Variants in WDR62 observed in about 807,000 individuals in gnomAD.
WDR62 encodes the protein WD repeat-containing protein 62.
Under a neutral mutation model 160.6 loss-of-function variants are expected in WDR62, and 112 were observed. The ratio of observed to expected loss-of-function variants is 0.70; its 90% confidence interval spans 0.60 to 0.82. The LOEUF (loss-of-function observed/expected upper bound fraction) is 0.82, where lower values mean the gene tolerates loss of function less well. Ranked by LOEUF, WDR62 falls within the 40% of genes least tolerant of loss-of-function variation. The pLI is 0.00. For missense variants in WDR62, 1,819 were observed against 1,983.8 expected (o/e 0.92, Z 1.58); for synonymous variants, 792 against 815.1 (o/e 0.97, Z 0.48).
At chr19:36,057,107 G>T (rs1393840466) in intron 1 of WDR62, among the ~76,000 whole-genome samples, 1 of 152,126 alleles carries the variant, frequency 6.6e-6, no homozygotes, top group East Asian at 1.9e-4. Flanking sequence ...GAGCTACTGT[G>T]CCCCGCCAAG....
chr19:36,082,630 CAA>C (rs781582299), intron 10 of WDR62, among the ~76,000 whole-genome samples: 5 of 152,176 alleles, frequency 3.3e-5, no homozygotes, highest in Admixed American at 6.5e-5. Flanking sequence ...AAACTCAAAA[CAA>C]GAGGTAAAAG....
At chr19:36,074,221 C>T (rs1971457806) in intron 9 of WDR62, 1 of 169,870 alleles carries the variant, frequency 5.9e-6, no homozygotes, top group African/African-American at 2.4e-5. Context: ...TCACTTGAGC[C>T]TGGGATGTCA....
intron 5 of WDR62, 119 bp from the exon 6 acceptor site, chr19:36,067,187 G>T (rs1450522090): frequency 7.4e-7 from 1 of 1,356,126 alleles, no homozygotes; most frequent in Admixed American, 1.7e-5. Flanking sequence ...CTCCCTGGAG[G>T]GTCCCAGGAA....
intron 9 of WDR62, 146 bp downstream of exon 9, chr19:36,073,677 C>T (rs765100455): frequency 4.1e-6 from 3 of 736,368 alleles, no homozygotes; most frequent in Admixed American, 2.0e-5. Context: ...AGGACACAGA[C>T]ACAAAATCCC....
At chr19:36,091,344 C>A (rs1972592930) in intron 17 of WDR62, 33 bp downstream of exon 17, 2 of 1,585,096 alleles carry the variant, frequency 1.3e-6, no homozygotes, top group African/African-American at 1.3e-5. Context: ...GATGCCTCCC[C>A]ACCCGCCCAC....
rs1973372596 is a variant in WDR62, at chr19:36,101,954, T to C, written c.3083-60T>C. On this transcript the variant is annotated intron_variant, in intron 25 of 31. Coordinates refer to ENST00000401500, the MANE Select transcript of WDR62 (RefSeq NM_001083961.2). ...TGGGGCCCGCTTTCTCCATTTCAGG[T>C]GGCGTCTGCTGTGACTCATGGTGTT... The C allele has an allele frequency of 3.1e-6, 5 of 1,611,862 alleles. No homozygotes were observed. In the East Asian group the frequency reaches 8.9e-5, roughly 29 times the overall value.
At chr19:36,090,812 C>T (rs1486817934) in intron 16 of WDR62, among the ~76,000 whole-genome samples, 1 of 152,184 alleles carries the variant, frequency 6.6e-6, no homozygotes, top group Non-Finnish European at 1.5e-5. Flanking sequence ...CCTGGTTTGC[C>T]CACACCAGCC....
In WDR62 at chr19:36,078,903, C is replaced by CTT. The variant is rs550885984; in HGVS notation, c.1234-2517_1234-2516dup. On this transcript the variant is annotated intron_variant, in intron 9 of 31. Transcript: ENST00000401500. ...TTTGTGAAAATATGTTTCTGCTGTG[C>CTT]TTTTTTTTTTTTTTCTTTTTTAAGA... Among the ~76,000 whole-genome samples, 719 of 129,578 alleles carry CTT rather than the reference C, an allele frequency of 5.5e-3. 6 individuals carry two copies. The highest frequency in any genetic ancestry group is 0.018 in the African/African-American group (632 of 35,176). 85.0% of individuals were successfully genotyped at this position (129,578 alleles called of 152,430 possible).
chr19:36,083,899 T>C (rs1568347979), intron 11 of WDR62, among the ~76,000 whole-genome samples: 1 of 152,144 alleles, frequency 6.6e-6, no homozygotes. Context: ...AAAGTGCCGA[T>C]TTTTTTCTGT....
At chr19:36,080,424 T>A (rs1035530145) in intron 9 of WDR62, among the ~76,000 whole-genome samples, 8 of 151,316 alleles carry the variant, frequency 5.3e-5, no homozygotes, top group Non-Finnish European at 1.0e-4. Flanking sequence ...TATTTTTTAT[T>A]TTTTTATTTT....
At chr19:36,083,868 T>C (rs900498744) in intron 11 of WDR62, among the ~76,000 whole-genome samples, 2 of 152,186 alleles carry the variant, frequency 1.3e-5, no homozygotes, top group Non-Finnish European at 2.9e-5. Flanking sequence ...TTTCAAACTT[T>C]CCTGTTGTCA....
Position 36,103,487 on chromosome 19 carries a change from C to T in WDR62, c.3659C>T (p.Ala1220Val). ...CCCTCCACCTGTTCCTACATGGAGG[C>T]CACTGCCAGCTCCCGTGCCAGGATA... is the stretch of plus-strand genomic sequence containing the variant. ...HAPSTCSYMEATASSRARISR... is the reference protein window; with the variant it reads ...HAPSTCSYMEVTASSRARISR... The change falls in exon 30 of 32, where the codon GCC becomes GTC. Residue 1220 changes from alanine (A) to valine (V), a missense_variant. This residue lies in a region of WDR62 where 770 missense variants were observed against 734.2 expected (regional missense o/e 1.05). Transcript: ENST00000401500. 2.5e-6 allele frequency: 4 copies of T among 1,614,190 alleles called. No individual in the cohort carries two copies. The South Asian group carries it at 3.3e-5, about 13-fold the overall frequency.
At chr19:36,078,310 G>T (rs1971697176) in intron 9 of WDR62, among the ~76,000 whole-genome samples, 1 of 151,648 alleles carries the variant, frequency 6.6e-6, no homozygotes, top group Non-Finnish European at 1.5e-5. Context: ...ACCATGCCTG[G>T]CTAATTTTTG....
In WDR62 at chr19:36,055,082, C is replaced by T. The variant is rs1970279396; in HGVS notation, c.111C>T (p.Ala37=). ...GGGGCCAGTCCTCCCCGCCCCCCGC[C>T]CCACCAATCTGCCTACGGCGGCGGA... ...ARRGQSSPPP[A]PPICLRRRTR... is the part of the protein sequence containing the mutation. Residue 37 remains alanine, a synonymous_variant, in exon 1 of 32, where the codon GCC becomes GCT. Transcript: ENST00000401500. 15 of 1,603,084 alleles carry T rather than the reference C, an allele frequency of 9.4e-6. No homozygotes were observed. Among genetic ancestry groups the T allele is most frequent in the Non-Finnish European group, 1.3e-5 (15 of 1,176,034 alleles).
intron 2 of WDR62, among the ~76,000 whole-genome samples, chr19:36,059,394 A>C (rs2145522928): frequency 6.6e-6 from 1 of 152,264 alleles, no homozygotes; most frequent in East Asian, 1.9e-4. Flanking sequence ...CTGACCTGGC[A>C]GTTGTGAGGA....
At chr19:36,110,049 C>T (rs964212636), downstream of WDR62, among the ~76,000 whole-genome samples, 7 of 149,670 alleles carry the variant, frequency 4.7e-5, no homozygotes, top group East Asian at 2.0e-4. Context: ...AGCAAAACTC[C>T]GCCTCAAAAA....
At chr19:36,073,779 A>C in intron 9 of WDR62, 1 of 556,588 alleles carries the variant, frequency 1.8e-6, no homozygotes, top group Non-Finnish European at 3.4e-6. Context: ...CTCTGAAGAA[A>C]AATGAGGCGG....
At chr19:36,076,963 GTA>G (rs1313709859) in intron 9 of WDR62, among the ~76,000 whole-genome samples, 6 of 151,798 alleles carry the variant, frequency 4.0e-5, no homozygotes, top group East Asian at 3.9e-4. Flanking sequence ...GTGTATATAT[GTA>G]TGTGTGTGTG....
chr19:36,067,592 C>A, intron 6 of WDR62, 149 bp downstream of exon 6: 1 of 1,271,496 alleles, frequency 7.9e-7, no homozygotes, highest in Non-Finnish European at 1.1e-6. Flanking sequence ...TGGGCCTACT[C>A]TCAGGGTGCT....
Sources: gnomAD v4.1 joint callset for allele counts (sites outside exome capture counted in the v4.1 genomes callset) on GRCh38, gnomAD v4.1.1 for gene constraint, gnomAD v4.1.1 regional missense constraint, MANE v1.5 for transcripts, NCBI Gene and HGNC (gene_info 2026-07-23, HGNC 2026-07-21) for gene names.